Variants in CPB2 observed in about 807,000 individuals in gnomAD.
The protein encoded by CPB2 is carboxypeptidase B2, also known as carboxypeptidase B-like protein.
A neutral mutation model predicts 57.0 loss-of-function variants in CPB2; 54 were observed. The ratio of observed to expected loss-of-function variants is 0.95; its 90% CI spans 0.76 to 1.19. CPB2 has a LOEUF of 1.19. Among genes scored for constraint, CPB2 ranks in the 50% most tolerant of loss-of-function variants. CPB2 has a pLI of 0.00. For missense variants in CPB2, 426 were observed against 512.0 expected (o/e 0.83, Z 1.62); for synonymous variants, 189 against 178.1 (o/e 1.06, Z -0.49).
chr13:46,073,564 A>T (rs1213892370), intron 6 of CPB2: 1 of 450,808 alleles, frequency 2.2e-6, no homozygotes, highest in Admixed American at 9.2e-5. Context: ...TAACTCCTTC[A>T]GTCCTTTCCT....
Position 46,082,443 on chromosome 13 carries a change from C to A in CPB2, c.382G>T (p.Glu128Ter). 6.3e-7 allele frequency: 1 copy of A among 1,584,456 alleles called. No homozygotes were observed. The highest frequency in any genetic ancestry group is 8.6e-7 in the Non-Finnish European group (1 of 1,156,818). The part of the protein sequence containing the change: ...SYYEQYHSLN[E>*]IYSWIEFITE... ...TGAAGAGCTGTGTGATGGCTTACTT[C>A]ATTTAGTGAGTGATACTGTTCATAG... The change falls in exon 4 of 11, where the codon GAA becomes TAA. Residue 128 changes from glutamate (E) to a stop codon, truncating the protein, a stop_gained and splice_region_variant. Transcript: ENST00000181383. LOFTEE classifies it high-confidence loss of function.
chr13:46,056,240 A>G (rs771522129), intron 9 of CPB2, among the ~76,000 whole-genome samples: 15 of 152,182 alleles, frequency 9.9e-5, no homozygotes, highest in Non-Finnish European at 1.3e-4. Context: ...CAACCTTTCT[A>G]AACACATACA....
chr13:46,094,080 C>T (rs943440400), intron 1 of CPB2, among the ~76,000 whole-genome samples: 2 of 152,198 alleles, frequency 1.3e-5, no homozygotes, highest in South Asian at 4.1e-4. Flanking sequence ...TAACAAGCTT[C>T]TCAGTGATGC....
rs1332741602 is a variant in CPB2, at chr13:46,058,265, C to T, written c.913G>A (p.Ala305Thr). 5.6e-6 allele frequency: 9 copies of T among 1,614,052 alleles called. No homozygotes were observed. The highest frequency in any genetic ancestry group is 7.6e-6 in the Non-Finnish European group (9 of 1,179,950). The change falls in exon 9 of 11, where the codon GCA becomes ACA. Residue 305 changes from alanine (A) to threonine (T), a missense_variant. Coordinates refer to ENST00000181383, the MANE Select transcript of CPB2 (RefSeq NM_001872.5). ...GAGTATGAATGCATGCTGATGTATGCTTTAATCTGGTTGATATTTCTTCTC... is the reference window on the plus strand; with the variant it reads ...GAGTATGAATGCATGCTGATGTATGTTTTAATCTGGTTGATATTTCTTCTC... ...FLRRNINQIK[A>T]YISMHSYSQH...
At chr13:46,101,633 A>C (rs1163062277) in intron 1 of CPB2, among the ~76,000 whole-genome samples, 3 of 152,234 alleles carry the variant, frequency 2.0e-5, no homozygotes, top group African/African-American at 7.2e-5. Flanking sequence ...CACTTACACA[A>C]TAACCACTTG....
intron 5 of CPB2, among the ~76,000 whole-genome samples, chr13:46,078,154 C>T (rs977281893): frequency 2.6e-5 from 4 of 152,028 alleles, no homozygotes; most frequent in African/African-American, 9.7e-5. Flanking sequence ...CAAAACATCA[C>T]ATGTGAGGAG....
chr13:46,088,007 G>A lies in CPB2; in HGVS notation c.75-187C>T, dbSNP rs112581288. On this transcript the variant is annotated intron_variant, in intron 1 of 10. Transcript: ENST00000181383. Reference sequence around the variant, plus strand: ...ATACTCTCAGTCTTTATGCTCCTAAGCAATTGCAAAATCAACAGCTCTCTT... The same window carrying A: ...ATACTCTCAGTCTTTATGCTCCTAAACAATTGCAAAATCAACAGCTCTCTT... Among the ~76,000 whole-genome samples the A allele has an allele frequency of 3.0e-4, 45 of 152,268 alleles. 1 individual carries two copies. The highest frequency in any genetic ancestry group is 9.9e-4 in the African/African-American group (41 of 41,550).
chr13:46,088,982 C>CT lies in CPB2; in HGVS notation c.75-1163dup, dbSNP rs199541259. Among the ~76,000 whole-genome samples, 1,055 of 131,758 alleles carry CT rather than the reference C, an allele frequency of 8.0e-3. 14 individuals are homozygous for CT. The highest frequency in any genetic ancestry group is 0.024 in the African/African-American group (879 of 36,016). 86.4% of individuals were successfully genotyped at this position (131,758 alleles called of 152,430 possible). A position where few individuals can be genotyped will look rare whatever the true frequency, so the allele number is the denominator to read the frequency against. On this transcript the variant is annotated intron_variant, in intron 1 of 10. Coordinates refer to ENST00000181383, the MANE Select transcript of CPB2 (RefSeq NM_001872.5). ...GTCTTTTCTCTTTCTTGATGATGTG[C>CT]TTTTTTTTTTTTAATCATTTCCTTC...
intron 1 of CPB2, chr13:46,099,993 C>G (rs1318596512): frequency 6.6e-6 from 1 of 151,914 alleles, no homozygotes; most frequent in African/African-American, 2.4e-5. Context: ...CCACTGGACT[C>G]CAGCCTGGGT....
At chr13:46,095,799 G>A (rs1181045317) in intron 1 of CPB2, among the ~76,000 whole-genome samples, 1 of 151,504 alleles carries the variant, frequency 6.6e-6, no homozygotes, top group African/African-American at 2.4e-5. Flanking sequence ...GCTAATAACT[G>A]AGTATGGTGG....
At chr13:46,076,549 C>T (rs2045025508) in intron 5 of CPB2, among the ~76,000 whole-genome samples, 1 of 152,052 alleles carries the variant, frequency 6.6e-6, no homozygotes, top group South Asian at 2.1e-4. Context: ...GTTAAAATGT[C>T]CGTACTACCG....
rs774094579 is a variant in CPB2, at chr13:46,055,867, T to C, written c.1000-18A>G. On this transcript the variant is annotated intron_variant, in intron 9 of 10. Coordinates refer to ENST00000181383, the MANE Select transcript of CPB2 (RefSeq NM_001872.5). ...ACTAGAGACTGGAAGCAACAAGATA[T>C]AGAATTTCAGTTAATGTGCAGCTTT... is the stretch of plus-strand genomic sequence containing the variant. The C allele has an allele frequency of 4.4e-5, 63 of 1,417,788 alleles. No homozygotes were observed. Among genetic ancestry groups the C allele is most frequent in the African/African-American group, 2.7e-4 (19 of 69,418 alleles). 87.8% of individuals were successfully genotyped at this position (1,417,788 alleles called of 1,614,324 possible).
In CPB2 at chr13:46,060,243, A is replaced by G. The variant is rs2044753023; in HGVS notation, c.797-1862T>C. On this transcript the variant is annotated intron_variant, in intron 8 of 10. Transcript: ENST00000181383. ...TTTGGGAGGCTGAGGCAGGCGGATC[A>G]CTTGAGATCAGGAGTTCGACACCAG... Among the ~76,000 whole-genome samples the G allele has an allele frequency of 2.0e-5, 3 of 152,180 alleles. No homozygotes were observed. The South Asian group carries it at 6.2e-4, about 32-fold the overall frequency.
intron 1 of CPB2, among the ~76,000 whole-genome samples, chr13:46,095,762 T>C (rs2045356302): frequency 6.6e-6 from 1 of 151,994 alleles, no homozygotes; most frequent in African/African-American, 2.4e-5. Flanking sequence ...TTAGTGCTAA[T>C]ACCACATTTC....
chr13:46,104,707 G>T (rs1593927373), intron 1 of CPB2, among the ~76,000 whole-genome samples: 1 of 152,046 alleles, frequency 6.6e-6, no homozygotes, highest in South Asian at 2.1e-4. Flanking sequence ...ATCATCCAAG[G>T]TTCTCCCAAT....
chr13:46,056,472 C>T (rs999265278), intron 9 of CPB2, among the ~76,000 whole-genome samples: 1 of 152,084 alleles, frequency 6.6e-6, no homozygotes, highest in Non-Finnish European at 1.5e-5. Context: ...TGGAACTTTT[C>T]GGAAATTGGA....
chr13:46,084,401 A>C (rs1334686516), intron 2 of CPB2, 58 bp from the exon 3 acceptor site: 5 of 1,587,196 alleles, frequency 3.2e-6, no homozygotes, highest in African/African-American at 1.3e-5. Context: ...CATCATTCTC[A>C]TCTGTAGCTA....
At chr13:46,093,043 G>C (rs1320863191) in intron 1 of CPB2, among the ~76,000 whole-genome samples, 1 of 152,114 alleles carries the variant, frequency 6.6e-6, no homozygotes, top group Non-Finnish European at 1.5e-5. Context: ...CTCCTGAGTA[G>C]CTGGGATTAC....
intron 6 of CPB2, among the ~76,000 whole-genome samples, chr13:46,070,361 T>C (rs1161381638): frequency 1.3e-5 from 2 of 152,156 alleles, no homozygotes; most frequent in Non-Finnish European, 2.9e-5. Context: ...AACCCCACCA[T>C]AAATTGAGAA....
Sources: gnomAD v4.1 joint callset for allele counts (sites outside exome capture counted in the v4.1 genomes callset) on GRCh38, gnomAD v4.1.1 for gene constraint, MANE v1.5 for transcripts, NCBI Gene and HGNC (gene_info 2026-07-23, HGNC 2026-07-21) for gene names.